NEGR1: variants seen among roughly 807,000 people sequenced by gnomAD.
NEGR1 encodes the protein IgLON family member 4.
NEGR1 carries 10 observed loss-of-function variants against 40.9 expected under a neutral mutation model. The observed-to-expected ratio is 0.24, with a 90% confidence interval of 0.15 to 0.42. NEGR1 has a LOEUF of 0.42. Among genes scored for constraint, NEGR1 ranks in the 10% least tolerant of loss-of-function variants. NEGR1 has a pLI of 1.00. For synonymous variants in NEGR1, 185 were observed against 166.8 expected (o/e 1.11, Z -0.84); for missense variants, 352 against 438.9 (o/e 0.80, Z 1.77).
At chr1:71,451,333 A>ATT (rs35201330) in intron 6 of NEGR1, among the ~76,000 whole-genome samples, 14,150 of 138,342 alleles carry the variant, frequency 0.1, 936 homozygotes, top group Non-Finnish European at 0.13. Context: ...AGTGCTACAG[A>ATT]TTTTTTTTTT....
chr1:72,222,260 A>T (rs934794618), intron 1 of NEGR1, among the ~76,000 whole-genome samples: 7 of 152,078 alleles, frequency 4.6e-5, no homozygotes, highest in African/African-American at 1.7e-4. Flanking sequence ...AACCTAAAAA[A>T]CAGGTCTACC....
At chr1:71,567,404 A>T (rs1169568386) in intron 6 of NEGR1, among the ~76,000 whole-genome samples, 1 of 152,198 alleles carries the variant, frequency 6.6e-6, no homozygotes, top group Non-Finnish European at 1.5e-5. Flanking sequence ...AAAGACAGAA[A>T]TGGTATAGGA....
chr1:72,057,855 T>C (rs1487029528), intron 1 of NEGR1, among the ~76,000 whole-genome samples: 3 of 151,448 alleles, frequency 2.0e-5, no homozygotes, highest in Admixed American at 6.6e-5. Context: ...TCTCTTCTTA[T>C]AATGGCACCA....
intron 1 of NEGR1, among the ~76,000 whole-genome samples, chr1:72,025,449 TAATAAA>T (rs1185899212): frequency 2.6e-5 from 4 of 152,160 alleles, no homozygotes; most frequent in Admixed American, 6.5e-5. Flanking sequence ...ATTTATTAAT[TAATAAA>T]ATAATTCATT....
intron 1 of NEGR1, among the ~76,000 whole-genome samples, chr1:72,216,389 A>G (rs1653814747): frequency 1.5e-5 from 2 of 133,842 alleles, no homozygotes; most frequent in African/African-American, 6.1e-5. Context: ...ATATACATAT[A>G]TATATATATA....
chr1:72,162,673 G>T (rs1651615974), intron 1 of NEGR1, among the ~76,000 whole-genome samples: 1 of 152,040 alleles, frequency 6.6e-6, no homozygotes, highest in African/African-American at 2.4e-5. Context: ...ATTGGTTATT[G>T]AAAATACATG....
intron 1 of NEGR1, among the ~76,000 whole-genome samples, chr1:72,107,150 T>C (rs190515951): frequency 8.6e-5 from 13 of 151,884 alleles, no homozygotes; most frequent in Admixed American, 5.9e-4. Flanking sequence ...AAAGACTACA[T>C]TGAAATGATA....
chr1:71,930,716 G>T (rs1645847556), intron 2 of NEGR1, among the ~76,000 whole-genome samples: 1 of 152,170 alleles, frequency 6.6e-6, no homozygotes, highest in Admixed American at 6.6e-5. Flanking sequence ...ATTCAAACAA[G>T]ACAGAGTTTA....
chr1:72,036,235 T>A (rs1646900738), intron 1 of NEGR1, among the ~76,000 whole-genome samples: 1 of 152,204 alleles, frequency 6.6e-6, no homozygotes, highest in African/African-American at 2.4e-5. Context: ...AGATATTTCA[T>A]ATAGCTTATT....
intron 6 of NEGR1, among the ~76,000 whole-genome samples, chr1:71,491,098 C>T (rs550347706): frequency 6.6e-6 from 1 of 151,884 alleles, no homozygotes; most frequent in African/African-American, 2.4e-5. Flanking sequence ...GAATTAACCA[C>T]CTACAGATCA....
intron 1 of NEGR1, among the ~76,000 whole-genome samples, chr1:72,259,048 A>C (rs1655368619): frequency 6.6e-6 from 1 of 152,298 alleles, no homozygotes; most frequent in Admixed American, 6.5e-5. Context: ...TTACTCTTAC[A>C]CATTTTAAAA....
rs113998883 is a variant in NEGR1 at position 72,017,473 on chromosome 1, C to T, written c.177-82162G>A. 6.3e-3 allele frequency among the ~76,000 whole-genome samples: 961 copies of T among 151,930 alleles called. 15 individuals carry two copies. Among genetic ancestry groups the T allele is most frequent in the African/African-American group, 0.022 (914 of 41,444 alleles). ...AAAATACCTGGTAATTTATTGCACCCGCAGATATTTGTTGAGTGAATGGAT... is the reference window on the plus strand; with the variant it reads ...AAAATACCTGGTAATTTATTGCACCTGCAGATATTTGTTGAGTGAATGGAT... On this transcript the variant is annotated intron_variant, in intron 1 of 6. Coordinates refer to ENST00000357731, the MANE Select transcript of NEGR1 (RefSeq NM_173808.3).
chr1:71,826,666 G>T (rs1658637195), intron 2 of NEGR1, among the ~76,000 whole-genome samples: 1 of 151,636 alleles, frequency 6.6e-6, no homozygotes, highest in Non-Finnish European at 1.5e-5. Flanking sequence ...GCACTGACTT[G>T]GTTTGAACCT....
At chr1:71,635,851 C>T (rs1454013633) in intron 4 of NEGR1, among the ~76,000 whole-genome samples, 1 of 151,816 alleles carries the variant, frequency 6.6e-6, no homozygotes, top group African/African-American at 2.4e-5. Flanking sequence ...GATATCGTGT[C>T]CTTACTTTTA....
At chr1:71,900,106 A>G (rs973694756) in intron 2 of NEGR1, among the ~76,000 whole-genome samples, 4 of 152,322 alleles carry the variant, frequency 2.6e-5, no homozygotes, top group Admixed American at 2.0e-4. Flanking sequence ...ACTGAGTGGG[A>G]AACCTTGCTT....
Position 72,241,186 on chromosome 1 carries a change from T to C in NEGR1, c.176+41133A>G, listed in dbSNP as rs144791313. 5.9e-3 allele frequency among the ~76,000 whole-genome samples: 898 copies of C among 151,712 alleles called. 10 individuals are homozygous for C. The highest frequency in any genetic ancestry group is 9.2e-3 in the Non-Finnish European group (627 of 67,786). Reference sequence around the variant, plus strand: ...CTTGTAGTTTTATTTGGAAGTTAGATAATAATTTATTGCTACATTTAAGGA... The same window carrying C: ...CTTGTAGTTTTATTTGGAAGTTAGACAATAATTTATTGCTACATTTAAGGA... On this transcript the variant is annotated intron_variant, in intron 1 of 6. Coordinates refer to ENST00000357731, the MANE Select transcript of NEGR1 (RefSeq NM_173808.3).
intron 1 of NEGR1, among the ~76,000 whole-genome samples, chr1:72,064,499 C>G (rs1647229881): frequency 6.6e-6 from 1 of 152,060 alleles, no homozygotes; most frequent in East Asian, 1.9e-4. Context: ...GGGATCAAAT[C>G]AGAACACAGT....
chr1:71,626,784 T>A lies in NEGR1; in HGVS notation c.668-15638A>T, dbSNP rs572543401. On this transcript the variant is annotated intron_variant, in intron 4 of 6. Transcript: ENST00000357731. ...TTAATATCCAGAATCTACAATGAAC[T>A]CAAACAAATTTACAAGAAAAAAACA... Among the ~76,000 whole-genome samples the A allele has an allele frequency of 5.9e-5, 9 of 151,794 alleles. No homozygotes were observed. The South Asian group carries it at 8.3e-4, about 14-fold the overall frequency.
At chr1:71,953,888 CT>C (rs1482084492) in intron 1 of NEGR1, among the ~76,000 whole-genome samples, 1 of 151,840 alleles carries the variant, frequency 6.6e-6, no homozygotes, top group African/African-American at 2.4e-5. Context: ...GTAAACACAA[CT>C]TTTGTTTATT....
Sources: allele counts gnomAD v4.1 joint callset (sites outside exome capture counted in the v4.1 genomes callset), GRCh38; gene constraint gnomAD v4.1.1; transcripts MANE v1.5; gene names NCBI Gene and HGNC (gene_info 2026-07-23, HGNC 2026-07-21).